Variants in DLC1 observed in about 807,000 individuals in gnomAD.
DLC1 encodes rho GTPase-activating protein 7.
Under a neutral mutation model 140.3 loss-of-function variants are expected in DLC1, and 54 were observed. That is an observed-to-expected ratio of 0.38 (90% confidence interval 0.31 to 0.48). The LOEUF (loss-of-function observed/expected upper bound fraction) is 0.48. DLC1 is among the 20% of genes least tolerant of loss of function. The pLI, the probability that DLC1 is intolerant of heterozygous loss-of-function variation, is 0.96. For missense variants in DLC1, 2,536 were observed against 1,907.0 expected, an observed-to-expected ratio of 1.33 and a Z score of -6.14; for synonymous variants, 986 against 728.1, an observed-to-expected ratio of 1.35 and a Z score of -5.70.
intron 2 of DLC1, among the ~76,000 whole-genome samples, chr8:13,472,563 G>C (rs781211113): frequency 2.6e-5 from 4 of 152,106 alleles, no homozygotes; most frequent in African/African-American, 4.8e-5. Flanking sequence ...TTTAGTAGTA[G>C]TCCCCTAGGA....
intron 8 of DLC1, among the ~76,000 whole-genome samples, chr8:13,102,268 T>G (rs750803732): frequency 4.3e-4 from 65 of 152,348 alleles, no homozygotes; most frequent in Non-Finnish European, 4.4e-4. Context: ...AGCTCGGTTG[T>G]GTACCACCAT....
intron 1 of DLC1, among the ~76,000 whole-genome samples, chr8:13,571,580 G>A (rs1033617514): frequency 1.3e-5 from 2 of 152,180 alleles, no homozygotes; most frequent in South Asian, 2.1e-4. Context: ...ACATGTACGT[G>A]TAACGTGTAT....
intron 16 of DLC1, 69 bp downstream of exon 16, chr8:13,088,418 A>G (rs942877377): frequency 1.3e-6 from 2 of 1,510,888 alleles, no homozygotes; most frequent in Non-Finnish European, 1.8e-6. Context: ...TTGTAAGATC[A>G]GTGACATATA....
chr8:13,515,276 C>A (rs1585233456), upstream of DLC1, among the ~76,000 whole-genome samples: 1 of 152,164 alleles, frequency 6.6e-6, no homozygotes, highest in Non-Finnish European at 1.5e-5. Flanking sequence ...AATGGCAAAA[C>A]CTTTTTTGAA....
At chr8:13,431,622 C>G (rs1414062197) in intron 2 of DLC1, among the ~76,000 whole-genome samples, 1 of 149,336 alleles carries the variant, frequency 6.7e-6, no homozygotes, top group East Asian at 2.0e-4. Flanking sequence ...GCAAATATGG[C>G]TACCTGAAAT....
chr8:13,570,254 T>C (rs1017483087), intron 1 of DLC1, among the ~76,000 whole-genome samples: 1 of 152,008 alleles, frequency 6.6e-6, no homozygotes, highest in Admixed American at 6.5e-5. Flanking sequence ...TTTGTGTCAC[T>C]ATGGTTTCTA....
At chr8:13,095,356 G>A (rs1030796056) in intron 10 of DLC1, 111 bp from the exon 11 acceptor site, 8 of 1,323,692 alleles carry the variant, frequency 6.0e-6, no homozygotes, top group East Asian at 4.7e-5. Flanking sequence ...GTGCTAATAC[G>A]GTGGCTACTT....
intron 4 of DLC1, among the ~76,000 whole-genome samples, chr8:13,370,269 A>T (rs761986670): frequency 4.6e-5 from 7 of 152,056 alleles, no homozygotes; most frequent in Non-Finnish European, 1.0e-4. Flanking sequence ...GCTCTAACAA[A>T]ACAGGGATTT....
chr8:13,279,712 T>C (rs781685788), intron 5 of DLC1, among the ~76,000 whole-genome samples: 1 of 152,242 alleles, frequency 6.6e-6, no homozygotes, highest in Non-Finnish European at 1.5e-5. Flanking sequence ...GTAAAGACCA[T>C]TCTAATACAC....
At chr8:13,365,040 C>T (rs73205711) in intron 4 of DLC1, among the ~76,000 whole-genome samples, 19,465 of 152,226 alleles carry the variant, frequency 0.13, 1,390 homozygotes, top group Non-Finnish European at 0.16. Flanking sequence ...AACTAGGACA[C>T]GTGTCTTGCT....
chr8:13,420,721 C>A (rs1431210472), intron 2 of DLC1, among the ~76,000 whole-genome samples: 1 of 152,114 alleles, frequency 6.6e-6, no homozygotes, highest in Non-Finnish European at 1.5e-5. Context: ...CATGTCCCTG[C>A]AAATCACATG....
chr8:13,162,376 A>G (rs1824770761), intron 5 of DLC1, among the ~76,000 whole-genome samples: 1 of 152,152 alleles, frequency 6.6e-6, no homozygotes, highest in Admixed American at 6.6e-5. Flanking sequence ...AGGCTGGAGA[A>G]TAATGGCACA....
intron 5 of DLC1, among the ~76,000 whole-genome samples, chr8:13,154,922 TA>T (rs1357429728): frequency 2.0e-5 from 3 of 152,184 alleles, no homozygotes; most frequent in African/African-American, 7.2e-5. Context: ...TTTATAAATT[TA>T]AAAAACTTAT....
intron 5 of DLC1, among the ~76,000 whole-genome samples, chr8:13,145,414 C>G (rs549138036): frequency 2.8e-4 from 42 of 152,286 alleles, no homozygotes; most frequent in African/African-American, 1.0e-3. Context: ...TCCATGAGAA[C>G]TCGTGTATAT....
At chr8:13,590,032 C>CT (rs1359169534) in intron 1 of DLC1, among the ~76,000 whole-genome samples, 9 of 146,782 alleles carry the variant, frequency 6.1e-5, no homozygotes, top group African/African-American at 1.8e-4. Flanking sequence ...TTATGGAAAA[C>CT]TTACTAAAGT....
At chr8:13,098,811 T>A (rs1818730422) in intron 9 of DLC1, among the ~76,000 whole-genome samples, 1 of 152,086 alleles carries the variant, frequency 6.6e-6, no homozygotes, top group Non-Finnish European at 1.5e-5. Context: ...AGATAGAGTC[T>A]CCCTATGTTG....
Position 13,110,710 on chromosome 8 carries a change from A to G in DLC1, c.1502+32T>C. On this transcript the variant is annotated intron_variant, in intron 7 of 17. Coordinates refer to ENST00000276297, the MANE Select transcript of DLC1 (RefSeq NM_182643.3). Reference sequence around the variant, plus strand: ...GAAGTACTGTGTTCTTAAAAAATAAAAAAGGAAAACACTCAAAACGTGTCC... The same window carrying G: ...GAAGTACTGTGTTCTTAAAAAATAAGAAAGGAAAACACTCAAAACGTGTCC... The G allele has an allele frequency of 1.9e-6, 3 of 1,593,208 alleles. No homozygotes were observed. The Middle Eastern group carries it at 5.0e-4, about 266-fold the overall frequency.
chr8:13,450,452 C>CAAAAAAAAAAA (rs759911909), intron 2 of DLC1, among the ~76,000 whole-genome samples: 1 of 53,370 alleles, frequency 1.9e-5, no homozygotes, highest in Non-Finnish European at 3.3e-5. Context: ...GAGACTGTCT[C>CAAAAAAAAAAA]AAAAAAAAAA....
At chr8:13,289,718 G>A (rs950666653) in intron 5 of DLC1, among the ~76,000 whole-genome samples, 2 of 152,200 alleles carry the variant, frequency 1.3e-5, no homozygotes, top group Non-Finnish European at 2.9e-5. Flanking sequence ...GGAGAAGGGG[G>A]TATACAACGC....
Sources: gnomAD v4.1 joint callset for allele counts (sites outside exome capture counted in the v4.1 genomes callset) on GRCh38, gnomAD v4.1.1 for gene constraint, MANE v1.5 for transcripts, NCBI Gene and HGNC (gene_info 2026-07-23, HGNC 2026-07-21) for gene names.